Variants in NEXN observed in about 807,000 individuals in gnomAD.
NEXN encodes the protein nexilin F-actin binding protein, also known as nexilin.
A neutral mutation model predicts 92.6 loss-of-function variants in NEXN; 65 were observed. That is an observed-to-expected ratio of 0.70 (90% CI 0.57 to 0.86). The LOEUF is 0.86. NEXN is among the 40% of genes least tolerant of loss of function. NEXN has a pLI of 0.00. For missense variants in NEXN, 778 were observed against 771.1 expected, an observed-to-expected ratio of 1.01 and a Z score of -0.11; for synonymous variants, 254 against 242.5, an observed-to-expected ratio of 1.05 and a Z score of -0.44.
At chr1:77,922,625 T>C (rs1487745151) in intron 5 of NEXN, among the ~76,000 whole-genome samples, 1 of 149,754 alleles carries the variant, frequency 6.7e-6, no homozygotes. Context: ...TGAGACGGAG[T>C]CTCGCTCTGT....
Position 77,943,759 on chromosome 1 carries a change from T to G in NEXN, c.*930T>G, listed in dbSNP as rs983438701. On this transcript the variant is annotated 3_prime_UTR_variant, in exon 13 of 13. Transcript: ENST00000334785. ...GGGAAAAAGTGGCACAACCTTCGAT[T>G]TAAAATTCTAGTCTTTAAAATGAGT... 5 of 152,118 alleles carry G rather than the reference T, an allele frequency of 3.3e-5. No individual in the cohort carries two copies. The allele number at this position is 152,118 out of a possible 1,614,324, so 9.4% of individuals were successfully genotyped here. A position where few individuals can be genotyped will look rare whatever the true frequency, so the allele number is the denominator to read the frequency against.
chr1:77,932,787 T>TTTTA (rs1440313498), intron 9 of NEXN, among the ~76,000 whole-genome samples: 1 of 152,232 alleles, frequency 6.6e-6, no homozygotes, highest in African/African-American at 2.4e-5. Context: ...AATTCTTCCC[T>TTTTA]TTTATTTATT....
intron 11 of NEXN, among the ~76,000 whole-genome samples, chr1:77,940,357 C>A (rs1651157639): frequency 6.6e-6 from 1 of 152,138 alleles, no homozygotes; most frequent in South Asian, 2.1e-4. Context: ...AAAGAATGTA[C>A]CTACAGAATA....
At chr1:77,930,275 C>G (rs1650182832) in intron 9 of NEXN, among the ~76,000 whole-genome samples, 1 of 152,154 alleles carries the variant, frequency 6.6e-6, no homozygotes, top group South Asian at 2.1e-4. Context: ...AACGTGGAAG[C>G]CTGAAACACT....
At chr1:77,935,754 G>A in intron 10 of NEXN, 69 bp from the exon 11 acceptor site, 1 of 1,426,510 alleles carries the variant, frequency 7.0e-7, no homozygotes. Context: ...GGAATTCAAG[G>A]CCAGCCTTGG....
intron 11 of NEXN, among the ~76,000 whole-genome samples, chr1:77,939,041 T>C (rs1651032273): frequency 6.6e-6 from 1 of 152,094 alleles, no homozygotes; most frequent in South Asian, 2.1e-4. Flanking sequence ...TCTGGGACCA[T>C]GGAGGATGAA....
intron 2 of NEXN, among the ~76,000 whole-genome samples, chr1:77,916,531 A>G (rs2102088640): frequency 6.6e-6 from 1 of 152,258 alleles, no homozygotes; most frequent in South Asian, 2.1e-4. Context: ...TGCCTTATAT[A>G]TATATTTTAA....
chr1:77,898,054 A>T (rs1417028069), intron 1 of NEXN, among the ~76,000 whole-genome samples: 1 of 152,272 alleles, frequency 6.6e-6, no homozygotes, highest in Non-Finnish European at 1.5e-5. Flanking sequence ...ATGCATAGGA[A>T]GAATCAATAT....
intron 1 of NEXN, among the ~76,000 whole-genome samples, chr1:77,892,617 A>T (rs1306408454): frequency 6.6e-6 from 1 of 152,230 alleles, no homozygotes; most frequent in Non-Finnish European, 1.5e-5. Context: ...AGTCTGCTGT[A>T]CTTAGCAACA....
intron 1 of NEXN, among the ~76,000 whole-genome samples, chr1:77,905,585 C>T (rs564657530): frequency 3.3e-5 from 5 of 152,144 alleles, no homozygotes; most frequent in Non-Finnish European, 4.4e-5. Flanking sequence ...CCACTCAGGA[C>T]GCTGAGGCAG....
chr1:77,899,157 G>T lies in NEXN; in HGVS notation c.-53+10398G>T, dbSNP rs572215614. ...ATTTGACCCAGCCATCCCATTACTG[G>T]GTATATACCCAAAGGACTATAAATC... On this transcript the variant is annotated intron_variant, in intron 1 of 12. Transcript: ENST00000334785. 1.4e-4 allele frequency among the ~76,000 whole-genome samples: 21 copies of T among 152,004 alleles called. No homozygotes were observed. The East Asian group carries it at 2.1e-3, about 15-fold the overall frequency.
intron 11 of NEXN, among the ~76,000 whole-genome samples, chr1:77,937,526 C>T (rs938504091): frequency 6.6e-6 from 1 of 151,726 alleles, no homozygotes; most frequent in African/African-American, 2.4e-5. Flanking sequence ...CCTGTCTCTA[C>T]AAAAATACAA....
intron 5 of NEXN, among the ~76,000 whole-genome samples, chr1:77,923,190 G>A (rs1305502546): frequency 6.9e-6 from 1 of 144,458 alleles, no homozygotes; most frequent in Non-Finnish European, 1.5e-5. Flanking sequence ...GTAGAGAGAG[G>A]GTCTCGCCAT....
At chr1:77,933,560 AT>A in intron 10 of NEXN, 81 bp downstream of exon 10, 1 of 1,038,830 alleles carries the variant, frequency 9.6e-7, no homozygotes, top group Non-Finnish European at 1.5e-6. Context: ...ATAACTTTGT[AT>A]TATTATTCAC....
At chr1:77,931,484 G>C (rs1650307165) in intron 9 of NEXN, among the ~76,000 whole-genome samples, 1 of 148,986 alleles carries the variant, frequency 6.7e-6, no homozygotes. Flanking sequence ...ACTAGACCTA[G>C]TCCTTGGGGC....
intron 1 of NEXN, among the ~76,000 whole-genome samples, chr1:77,907,171 G>A (rs1444220810): frequency 1.3e-5 from 2 of 152,200 alleles, no homozygotes; most frequent in African/African-American, 2.4e-5. Flanking sequence ...TACAGTTAAT[G>A]ACTAGGGAAC....
chr1:77,912,785 C>G lies in NEXN; in HGVS notation c.-52-3270C>G, dbSNP rs12032369. Among the ~76,000 whole-genome samples, 12 of 152,288 alleles carry G rather than the reference C, an allele frequency of 7.9e-5. No homozygotes were observed. The East Asian group carries it at 2.1e-3, about 27-fold the overall frequency. On this transcript the variant is annotated intron_variant, in intron 1 of 12. Coordinates refer to ENST00000334785, the MANE Select transcript of NEXN (RefSeq NM_144573.4). Reference sequence around the variant, plus strand: ...CTAGAAATAGACCTTACATTCTTCACAAAAATTAACTCAAAATGAATCACA... The same window carrying G: ...CTAGAAATAGACCTTACATTCTTCAGAAAAATTAACTCAAAATGAATCACA...
At position 77,943,345 on chromosome 1, in the gene NEXN, T is replaced by C. The variant is rs192491251; in HGVS notation, c.*516T>C. ...AGGCTGAAATAGCTGAGATAATTAATTTGGAACCTATCAATTTGAGTGGAC... is the reference window on the plus strand; with the variant it reads ...AGGCTGAAATAGCTGAGATAATTAACTTGGAACCTATCAATTTGAGTGGAC... On this transcript the variant is annotated 3_prime_UTR_variant, in exon 13 of 13. Coordinates refer to ENST00000334785, the MANE Select transcript of NEXN (RefSeq NM_144573.4). The C allele has an allele frequency of 2.0e-4, 35 of 173,682 alleles. No individual in the cohort carries two copies. The East Asian group carries it at 5.0e-3, about 25-fold the overall frequency. 10.8% of individuals were successfully genotyped at this position (173,682 alleles called of 1,614,324 possible).
intron 9 of NEXN, among the ~76,000 whole-genome samples, chr1:77,930,500 AAAAG>A (rs1299688376): frequency 1.3e-5 from 2 of 152,190 alleles, no homozygotes; most frequent in East Asian, 1.9e-4. Context: ...GTGATCTTTA[AAAAG>A]AAAGAAATTT....
Sources: gnomAD v4.1 joint callset for allele counts (sites outside exome capture counted in the v4.1 genomes callset) on GRCh38, gnomAD v4.1.1 for gene constraint, MANE v1.5 for transcripts, NCBI Gene and HGNC (gene_info 2026-07-23, HGNC 2026-07-21) for gene names.